The following SYNRG variants were observed in gnomAD, a reference collection of about 807,000 sequenced individuals.
SYNRG encodes the protein synergin gamma, also known as AP1 gamma subunit binding protein 1.
SYNRG carries 37 observed loss-of-function variants against 130.9 expected under a neutral mutation model. The observed-to-expected ratio is 0.28, with a 90% confidence interval of 0.22 to 0.37. The LOEUF is 0.37. Among genes scored for constraint, SYNRG ranks in the 10% least tolerant of loss-of-function variants. SYNRG has a pLI of 1.00. For synonymous variants in SYNRG, 539 were observed against 568.1 expected, an observed-to-expected ratio of 0.95 and a Z score of 0.73; for missense variants, 1,338 against 1,588.9, an observed-to-expected ratio of 0.84 and a Z score of 2.68.
chr17:37,546,591 T>C (rs954717156), intron 14 of SYNRG, among the ~76,000 whole-genome samples: 1 of 152,224 alleles, frequency 6.6e-6, no homozygotes, highest in South Asian at 2.1e-4. Context: ...ATAGATGTTG[T>C]ACATGAAAAC....
At chr17:37,565,658 C>T (rs1042827989) in intron 11 of SYNRG, among the ~76,000 whole-genome samples, 1 of 151,744 alleles carries the variant, frequency 6.6e-6, no homozygotes, top group Non-Finnish European at 1.5e-5. Context: ...TGCCCGGCCA[C>T]CCATCGTCTG....
At chr17:37,566,253 A>G (rs1263290453) in intron 11 of SYNRG, among the ~76,000 whole-genome samples, 2 of 151,768 alleles carry the variant, frequency 1.3e-5, no homozygotes, top group East Asian at 1.9e-4. Flanking sequence ...TGTAGAAAGA[A>G]GTAGACATGG....
At chr17:37,597,857 AC>A (rs1265535364) in intron 2 of SYNRG, among the ~76,000 whole-genome samples, 1 of 152,260 alleles carries the variant, frequency 6.6e-6, no homozygotes, top group African/African-American at 2.4e-5. Flanking sequence ...CATTCAAACT[AC>A]ATCTATGTTG....
intron 13 of SYNRG, 152 bp downstream of exon 13, chr17:37,561,043 T>C: frequency 1.5e-6 from 1 of 682,444 alleles, no homozygotes; most frequent in Non-Finnish European, 2.6e-6. Flanking sequence ...ATCACTACTA[T>C]ACCATATTGT....
In SYNRG at chr17:37,584,672, G is replaced by A. The variant is rs574734487; in HGVS notation, c.565C>T (p.Pro189Ser). The change falls in exon 6 of 22, where the codon CCA becomes TCA. Residue 189 changes from proline (P) to serine (S), a missense_variant. By Grantham distance (74) the Pro-to-Ser change is moderately conservative. This residue lies in a region of SYNRG where 1,146 missense variants were observed against 1,342.3 expected (regional missense o/e 0.85). Coordinates refer to ENST00000612223, the MANE Select transcript of SYNRG (RefSeq NM_007247.6). ...FSRDAKMHPTPASHPKKPGPS... is the reference protein window; with the variant it reads ...FSRDAKMHPTSASHPKKPGPS... ...CCTGGTTTCTTGGGGTGCGATGCTGGAGTAGGGTGCATTTTTGCATCTCTG... is the reference window on the plus strand; with the variant it reads ...CCTGGTTTCTTGGGGTGCGATGCTGAAGTAGGGTGCATTTTTGCATCTCTG... 2 of 1,613,866 alleles carry A rather than the reference G, an allele frequency of 1.2e-6. No homozygotes were observed. The highest frequency in any genetic ancestry group is 1.7e-6 in the Non-Finnish European group (2 of 1,179,846).
intron 6 of SYNRG, among the ~76,000 whole-genome samples, chr17:37,582,351 G>A (rs1025601182): frequency 5.9e-5 from 9 of 152,234 alleles, no homozygotes; most frequent in African/African-American, 2.2e-4. Flanking sequence ...TGTATTCCAA[G>A]TCTCCCAACA....
chr17:37,525,785 G>A (rs2055802762), intron 19 of SYNRG, among the ~76,000 whole-genome samples: 1 of 152,246 alleles, frequency 6.6e-6, no homozygotes, highest in South Asian at 2.1e-4. Context: ...GGCCAACATG[G>A]TGAAACCCCG....
At chr17:37,586,643 C>CT in intron 3 of SYNRG, 94 bp from the exon 4 acceptor site, 5 of 1,376,030 alleles carry the variant, frequency 3.6e-6, no homozygotes, top group South Asian at 2.9e-5. Flanking sequence ...TCTTAATACT[C>CT]TTATTTGTAA....
chr17:37,544,282 G>C (rs1568333381), intron 14 of SYNRG, among the ~76,000 whole-genome samples: 2 of 142,210 alleles, frequency 1.4e-5, no homozygotes, highest in Admixed American at 6.9e-5. Flanking sequence ...AAAACAGAAG[G>C]AAAAAACGAC....
chr17:37,596,452 A>G, intron 2 of SYNRG, 108 bp from the exon 3 acceptor site: 1 of 1,242,992 alleles, frequency 8.0e-7, no homozygotes, highest in South Asian at 1.4e-5. Context: ...AGTGTAATGG[A>G]AAAAGCACAG....
chr17:37,574,112 T>A (rs780303907), intron 8 of SYNRG, among the ~76,000 whole-genome samples: 1 of 151,808 alleles, frequency 6.6e-6, no homozygotes, highest in Non-Finnish European at 1.5e-5. Context: ...AATCCACACA[T>A]CCACAGTGAA....
rs1019678382 is a variant in SYNRG at position 37,577,374 on chromosome 17, G to A, written c.823+6C>T. 6.2e-7 allele frequency: 1 copy of A among 1,613,282 alleles called. No homozygotes were observed. Among genetic ancestry groups the A allele is most frequent in the Non-Finnish European group, 8.5e-7 (1 of 1,179,254 alleles). On this transcript the variant is annotated splice_donor_region_variant and intron_variant, in intron 7 of 21. Coordinates refer to ENST00000612223, the MANE Select transcript of SYNRG (RefSeq NM_007247.6). ...AAGTTTTTTGCTGAATGCTTCACGA[G>A]CTCACCACTCTCTTCAATTGACAGG...
At position 37,528,466 on chromosome 17, in the gene SYNRG, ATAATAG is replaced by A. The variant is rs1400043720; in HGVS notation, c.3666+7507_3666+7512del. Reference sequence around the variant, plus strand: ...TAAATGGTAACCAGTAGTAGTAGTAATAATAGTAATAGTAATAGTAGTAGTATGGAA... The same window carrying A: ...TAAATGGTAACCAGTAGTAGTAGTAATAATAGTAATAGTAGTAGTATGGAA... On this transcript the variant is annotated intron_variant, in intron 19 of 21. Coordinates refer to ENST00000612223, the MANE Select transcript of SYNRG (RefSeq NM_007247.6). 3.3e-5 allele frequency among the ~76,000 whole-genome samples: 5 copies of A among 152,298 alleles called. No individual in the cohort carries two copies. The East Asian group carries it at 7.7e-4, about 24-fold the overall frequency.
At chr17:37,565,577 G>A (rs1275979272) in intron 11 of SYNRG, among the ~76,000 whole-genome samples, 2 of 151,552 alleles carry the variant, frequency 1.3e-5, no homozygotes, top group Non-Finnish European at 2.9e-5. Flanking sequence ...CCGCCCGGCC[G>A]CCATCCCATC....
chr17:37,560,865 A>G (rs1306445986), intron 13 of SYNRG, among the ~76,000 whole-genome samples: 2 of 151,808 alleles, frequency 1.3e-5, no homozygotes, highest in Admixed American at 1.3e-4. Flanking sequence ...GGGTTTTGCC[A>G]CGTTGGCCAG....
intron 19 of SYNRG, among the ~76,000 whole-genome samples, chr17:37,526,568 A>G (rs540428468): frequency 1.1e-4 from 16 of 152,346 alleles, no homozygotes; most frequent in African/African-American, 3.8e-4. Context: ...TCAGAAGTCT[A>G]AAATGGGTGA....
In SYNRG at chr17:37,570,652, G is replaced by C. The variant is rs541301282; in HGVS notation, c.1332C>G (p.Thr444=). ...CGCCATTTACCTGATTTGCAGGGTA[G>C]GTTGGTATGAAACCACTAGAAGCCT... ...AAQASSGFIP[T]YPANQVVKPE... is the part of the protein sequence containing the mutation. The change falls in exon 10 of 22, where the codon ACC becomes ACG. Residue 444 remains threonine (T), a synonymous_variant. Coordinates refer to ENST00000612223, the MANE Select transcript of SYNRG (RefSeq NM_007247.6). The C allele has an allele frequency of 1.9e-6, 3 of 1,613,618 alleles. No homozygotes were observed. The highest frequency in any genetic ancestry group is 2.2e-5 in the South Asian group (2 of 91,016).
intron 3 of SYNRG, among the ~76,000 whole-genome samples, chr17:37,593,138 C>T (rs557469273): frequency 6.6e-6 from 1 of 152,148 alleles, no homozygotes; most frequent in East Asian, 1.9e-4. Context: ...TTCTGGCCGG[C>T]GCGATGGCTC....
intron 11 of SYNRG, chr17:37,568,559 G>A: frequency 2.4e-6 from 1 of 412,440 alleles, no homozygotes; most frequent in East Asian, 3.9e-5. Flanking sequence ...AGGTAAAAAA[G>A]AATATTGGCA....
Sources: gnomAD v4.1 joint callset for allele counts (sites outside exome capture counted in the v4.1 genomes callset) on GRCh38, gnomAD v4.1.1 for gene constraint, gnomAD v4.1.1 regional missense constraint, MANE v1.5 for transcripts, NCBI Gene and HGNC (gene_info 2026-07-23, HGNC 2026-07-21) for gene names.